The following SLC28A1 variants were observed in gnomAD, a reference collection of about 807,000 sequenced individuals.
SLC28A1 encodes the protein sodium/nucleoside cotransporter 1.
A neutral mutation model predicts 74.8 loss-of-function variants in SLC28A1; 64 were observed. The observed-to-expected ratio is 0.86, with a 90% CI of 0.70 to 1.05. SLC28A1 has a LOEUF of 1.05. Ranked by LOEUF, SLC28A1 falls within the 50% of genes least tolerant of loss-of-function variation. The probability of loss-of-function intolerance (pLI) is 0.00; values close to 1 mark genes in which losing one functional copy is unlikely to be tolerated. For synonymous variants in SLC28A1, 359 were observed against 335.0 expected (o/e 1.07, Z -0.78); for missense variants, 828 against 822.8 (o/e 1.01, Z -0.08).
the SLC28A1 span, among the ~76,000 whole-genome samples, chr15:84,955,446 A>G: frequency 6.6e-6 from 1 of 152,218 alleles, no homozygotes; most frequent in Admixed American, 6.5e-5. Context: ...TCAGTAAAGT[A>G]GCAAAGTCAT....
chr15:84,936,309 G>A (rs998764556), intron 15 of SLC28A1, among the ~76,000 whole-genome samples: 12 of 151,834 alleles, frequency 7.9e-5, no homozygotes, highest in Admixed American at 2.6e-4. Context: ...CCAGGCTGGA[G>A]TGCAGTGGCA....
At chr15:84,969,663 T>C in the SLC28A1 span, among the ~76,000 whole-genome samples, 1 of 152,204 alleles carries the variant, frequency 6.6e-6, no homozygotes, top group Non-Finnish European at 1.5e-5. Context: ...CATCCAATAC[T>C]GTAATCTTTT....
chr15:84,924,889 T>C (rs2141943547), intron 12 of SLC28A1, among the ~76,000 whole-genome samples: 1 of 150,694 alleles, frequency 6.6e-6, no homozygotes, highest in East Asian at 1.9e-4. Context: ...TGATTTTATT[T>C]TTTATTAATT....
chr15:84,907,819 G>T (rs1378433627), intron 8 of SLC28A1, among the ~76,000 whole-genome samples: 2 of 152,134 alleles, frequency 1.3e-5, no homozygotes, highest in Non-Finnish European at 2.9e-5. Flanking sequence ...CCAGGAATGT[G>T]CACACCTGCT....
Position 84,944,858 on chromosome 15 carries a change from C to G in SLC28A1, c.1865C>G (p.Ala622Gly), listed in dbSNP as rs773522262. 6.2e-7 allele frequency: 1 copy of G among 1,611,106 alleles called. No individual in the cohort carries two copies. The highest frequency in any genetic ancestry group is 1.3e-5 in the African/African-American group (1 of 74,886). ...SFEIYQCCRE[A>G]FQSVNPEFSP... Reference sequence around the variant, plus strand: ...GAGATTTACCAGTGCTGCCGTGAGGCCTTCCAGAGGTGAGGGCCTGGGCTG... The same window carrying G: ...GAGATTTACCAGTGCTGCCGTGAGGGCTTCCAGAGGTGAGGGCCTGGGCTG... Residue 622 changes from alanine (A) to glycine (G), a missense_variant, in exon 18 of 19, where the codon GCC becomes GGC. By Grantham distance (60) the Ala-to-Gly change is moderately conservative. This residue lies in a region of SLC28A1 where 53 missense variants were observed against 44.5 expected (regional missense o/e 1.19). Coordinates refer to ENST00000394573, the MANE Select transcript of SLC28A1 (RefSeq NM_004213.5).
the SLC28A1 span, among the ~76,000 whole-genome samples, chr15:84,961,354 C>T: frequency 1.2e-3 from 180 of 148,830 alleles, 1 homozygote; most frequent in Middle Eastern, 0.021. Context: ...TTTTTAGAGA[C>T]AGGGTATCAC....
At chr15:84,916,240 C>CAGGTGTGAGCCCCCATGCCTGGCCTTTTT (rs1555449976) in intron 9 of SLC28A1, among the ~76,000 whole-genome samples, 1 of 98,424 alleles carries the variant, frequency 1.0e-5, no homozygotes, top group African/African-American at 4.9e-5. Flanking sequence ...GCTGGGATTA[C>CAGGTGTGAGCCCCCATGCCTGGCCTTTTT]TTTTTTTTTT....
intron 6 of SLC28A1, among the ~76,000 whole-genome samples, chr15:84,899,186 A>G (rs1966334298): frequency 1.3e-5 from 2 of 151,746 alleles, no homozygotes; most frequent in Middle Eastern, 3.4e-3. Context: ...GTAGCAGAGA[A>G]AAAAAAAATC....
intron 9 of SLC28A1, among the ~76,000 whole-genome samples, chr15:84,912,802 G>GCGCGCGTGCGCGCGCA (rs1968477121): frequency 3.6e-5 from 2 of 55,776 alleles, no homozygotes; most frequent in African/African-American, 1.0e-4. Flanking sequence ...AATTTTGCGC[G>GCGCGCGTGCGCGCGCA]CGCGCACACA....
chr15:84,887,612 C>T (rs1471287206), intron 2 of SLC28A1, 133 bp from the exon 3 acceptor site: 21 of 1,528,256 alleles, frequency 1.4e-5, no homozygotes, highest in Non-Finnish European at 1.8e-5. Flanking sequence ...GCATAGGTGG[C>T]CCCCAGGCAG....
the SLC28A1 span, among the ~76,000 whole-genome samples, chr15:84,956,666 CTTTTT>C: frequency 3.7e-5 from 5 of 134,328 alleles, no homozygotes; most frequent in Admixed American, 7.7e-5. Flanking sequence ...CTAATTTTTA[CTTTTT>C]TTTTTTTTTT....
At chr15:84,888,944 TGG>T in intron 4 of SLC28A1, 84 bp downstream of exon 4, 1 of 960,670 alleles carries the variant, frequency 1.0e-6, no homozygotes, top group Non-Finnish European at 1.6e-6. Flanking sequence ...TCCTGGCGGA[TGG>T]GAGTTGGGGG....
At chr15:84,917,052 G>T (rs1485160673) in intron 9 of SLC28A1, among the ~76,000 whole-genome samples, 1 of 142,526 alleles carries the variant, frequency 7.0e-6, no homozygotes, top group African/African-American at 2.6e-5. Context: ...AAATAAAAAA[G>T]GTAGGAACAG....
At chr15:84,928,519 GTTCGTTCGTTCT>G (rs1970764804) in intron 12 of SLC28A1, among the ~76,000 whole-genome samples, 5 of 42,934 alleles carry the variant, frequency 1.2e-4, no homozygotes, top group African/African-American at 5.4e-4. Flanking sequence ...AAGCTCCCAG[GTTCGTTCGTTCT>G]TTCTTTCTTT....
At chr15:84,920,704 G>A (rs1239467847) in intron 10 of SLC28A1, among the ~76,000 whole-genome samples, 1 of 94,330 alleles carries the variant, frequency 1.1e-5, no homozygotes, top group Non-Finnish European at 2.5e-5. Flanking sequence ...TCTCCAAGGG[G>A]TGTGTGTGTG....
intron 9 of SLC28A1, among the ~76,000 whole-genome samples, chr15:84,916,234 G>T (rs1969073809): frequency 1.6e-5 from 2 of 121,232 alleles, no homozygotes; most frequent in African/African-American, 8.0e-5. Context: ...CAAAGTGCTG[G>T]GATTACTTTT....
At chr15:84,910,549 A>T (rs1968016818) in intron 9 of SLC28A1, among the ~76,000 whole-genome samples, 1 of 152,050 alleles carries the variant, frequency 6.6e-6, no homozygotes, top group Non-Finnish European at 1.5e-5. Context: ...ACCAACATGG[A>T]GAAACCCCAT....
At chr15:84,958,043 A>G in the SLC28A1 span, among the ~76,000 whole-genome samples, 2 of 152,130 alleles carry the variant, frequency 1.3e-5, no homozygotes, top group African/African-American at 4.8e-5. Context: ...CATTTATTAA[A>G]TTTATTCCTA....
At chr15:84,906,035 TTCAAGAAGGAGTC>T (rs1967057270) in intron 8 of SLC28A1, among the ~76,000 whole-genome samples, 1 of 151,132 alleles carries the variant, frequency 6.6e-6, no homozygotes, top group Non-Finnish European at 1.5e-5. Context: ...TTTTTTTTCT[TTCAAGAAGGAGTC>T]TCGCTTTGTC....
Sources: gnomAD v4.1 joint callset for allele counts (sites outside exome capture counted in the v4.1 genomes callset) on GRCh38, gnomAD v4.1.1 for gene constraint, gnomAD v4.1.1 regional missense constraint, MANE v1.5 for transcripts, NCBI Gene and HGNC (gene_info 2026-07-23, HGNC 2026-07-21) for gene names.